The following GLI2 variants were observed in gnomAD, a reference collection of about 807,000 sequenced individuals.
The protein encoded by GLI2 is GLI family zinc finger 2, also known as transcription activator GLI2.
GLI2 carries 22 observed loss-of-function variants against 78.9 expected under a neutral mutation model. That is an observed-to-expected ratio of 0.28 (90% confidence interval 0.20 to 0.40). The LOEUF is 0.40. GLI2 is among the 10% of genes least tolerant of loss of function. The pLI, the probability that GLI2 is intolerant of heterozygous loss-of-function variation, is 1.00. For missense variants in GLI2, 2,097 were observed against 2,213.2 expected, an observed-to-expected ratio of 0.95 and a Z score of 1.05; for synonymous variants, 974 against 963.7, an observed-to-expected ratio of 1.01 and a Z score of -0.20.
chr2:120,768,319 C>G (rs1346803229), intron 1 of GLI2, among the ~76,000 whole-genome samples: 1 of 152,222 alleles, frequency 6.6e-6, no homozygotes, highest in Non-Finnish European at 1.5e-5. Context: ...GAGAAGCGCC[C>G]TCAGAGCTGG....
chr2:120,929,512 G>A (rs182414044), intron 3 of GLI2, among the ~76,000 whole-genome samples: 1 of 152,338 alleles, frequency 6.6e-6, no homozygotes, highest in East Asian at 1.9e-4. Flanking sequence ...GTAAGGAAAA[G>A]CTGTCCCGCC....
chr2:120,971,971 A>G lies in GLI2; in HGVS notation c.1090A>G (p.Ser364Gly), dbSNP rs1415148371. ...GCAGAGCAGTGAGTCGGCCGTCAGC[A>G]GCACCGTCAACCCTGTCGCCATTCA... ...NKQSSESAVS[S>G]TVNPVAIHKR... The change falls in exon 8 of 14, where the codon AGC becomes GGC. Residue 364 changes from serine (S) to glycine (G), a missense_variant. By Grantham distance (56) the Ser-to-Gly change is moderately conservative (BLOSUM62 0). Transcript: ENST00000361492. The G allele has an allele frequency of 6.2e-7, 1 of 1,613,588 alleles. No homozygotes were observed. The highest frequency in any genetic ancestry group is 1.3e-5 in the African/African-American group (1 of 74,940).
intron 2 of GLI2, among the ~76,000 whole-genome samples, chr2:120,827,644 A>G (rs113334758): frequency 0.016 from 2,441 of 152,338 alleles, 70 homozygotes; most frequent in African/African-American, 0.054. Context: ...CCAAGGGTCC[A>G]TTGATGGATG....
intron 2 of GLI2, among the ~76,000 whole-genome samples, chr2:120,878,467 T>G (rs1688870639): frequency 1.3e-5 from 2 of 152,210 alleles, no homozygotes; most frequent in African/African-American, 4.8e-5. Flanking sequence ...TGTCTAGCTA[T>G]GGACTGAGAC....
At chr2:120,970,946 T>C (rs2677508) in intron 7 of GLI2, among the ~76,000 whole-genome samples, 127,677 of 152,092 alleles carry the variant, frequency 0.84, 57,374 homozygotes, top group East Asian at 1. Context: ...GCAGTTTCGT[T>C]GTAGAATGTG....
chr2:120,909,852 G>T (rs947337948), intron 2 of GLI2, among the ~76,000 whole-genome samples: 1 of 152,240 alleles, frequency 6.6e-6, no homozygotes, highest in Admixed American at 6.5e-5. Flanking sequence ...GCGACAGAGT[G>T]AGACTCCGTC....
intron 2 of GLI2, among the ~76,000 whole-genome samples, chr2:120,893,612 T>A (rs1194891451): frequency 6.8e-6 from 1 of 146,112 alleles, no homozygotes; most frequent in African/African-American, 2.6e-5. Context: ...TGGCAGTGTC[T>A]CGGGAGGAAT....
At chr2:120,982,923 C>G in intron 11 of GLI2, 43 bp downstream of exon 11, 1 of 1,594,742 alleles carries the variant, frequency 6.3e-7, no homozygotes, top group Non-Finnish European at 8.6e-7. Context: ...ACTGGGGCCC[C>G]ACTGACGCCC....
chr2:120,943,978 C>T (rs934519178), intron 3 of GLI2, among the ~76,000 whole-genome samples: 3 of 152,180 alleles, frequency 2.0e-5, no homozygotes, highest in African/African-American at 7.2e-5. Flanking sequence ...AGGCCAGATG[C>T]CCTCCTTTCT....
chr2:120,912,584 C>T (rs550894057), intron 2 of GLI2, among the ~76,000 whole-genome samples: 7 of 152,276 alleles, frequency 4.6e-5, no homozygotes, highest in African/African-American at 1.4e-4. Flanking sequence ...ATGGCATGTG[C>T]TCCAACCATC....
intron 2 of GLI2, among the ~76,000 whole-genome samples, chr2:120,852,684 G>T (rs1365805290): frequency 6.6e-6 from 1 of 152,208 alleles, no homozygotes; most frequent in Non-Finnish European, 1.5e-5. Context: ...ATCAAGCCTA[G>T]AATTCCACCA....
intron 1 of GLI2, among the ~76,000 whole-genome samples, chr2:120,776,769 C>G (rs1281857556): frequency 1.3e-5 from 2 of 152,162 alleles, no homozygotes; most frequent in African/African-American, 4.8e-5. Context: ...CAGAGGCATC[C>G]TAGCCGGCGT....
intron 13 of GLI2, among the ~76,000 whole-genome samples, chr2:120,987,109 G>T (rs1190500341): frequency 6.6e-6 from 1 of 152,242 alleles, no homozygotes; most frequent in African/African-American, 2.4e-5. Flanking sequence ...TTGAGCTGGG[G>T]ATGAGCAGGG....
intron 1 of GLI2, among the ~76,000 whole-genome samples, chr2:120,745,876 C>T (rs1404405379): frequency 1.3e-5 from 2 of 152,202 alleles, no homozygotes; most frequent in East Asian, 1.9e-4. Flanking sequence ...AGTTCTTCTG[C>T]GCAGGCAGAT....
At chr2:120,950,632 C>T (rs557064956) in intron 3 of GLI2, among the ~76,000 whole-genome samples, 33 of 152,236 alleles carry the variant, frequency 2.2e-4, no homozygotes, top group African/African-American at 7.5e-4. Context: ...GGAAGGAGAA[C>T]GAGGAGATAT....
intron 2 of GLI2, among the ~76,000 whole-genome samples, chr2:120,819,540 G>A (rs571569556): frequency 4.9e-4 from 75 of 152,126 alleles, no homozygotes; most frequent in African/African-American, 1.7e-3. Flanking sequence ...GCACCCCACC[G>A]GTTTTTGTAT....
intron 2 of GLI2, among the ~76,000 whole-genome samples, chr2:120,802,598 G>A (rs565599222): frequency 1.3e-5 from 2 of 152,270 alleles, no homozygotes; most frequent in South Asian, 4.1e-4. Flanking sequence ...TCCACTGTGG[G>A]TTCTCTTTCA....
chr2:120,791,404 G>A (rs1239689249), intron 1 of GLI2, among the ~76,000 whole-genome samples: 1 of 152,194 alleles, frequency 6.6e-6, no homozygotes, highest in Non-Finnish European at 1.5e-5. Flanking sequence ...GGAAAGGACT[G>A]GTGCCCAGCT....
At chr2:120,766,463 A>C (rs1254123068) in intron 1 of GLI2, among the ~76,000 whole-genome samples, 1 of 152,132 alleles carries the variant, frequency 6.6e-6, no homozygotes, top group East Asian at 1.9e-4. Flanking sequence ...TGAGTAGAAG[A>C]GTATGGAGGC....
Sources: allele counts gnomAD v4.1 joint callset (sites outside exome capture counted in the v4.1 genomes callset), GRCh38; gene constraint gnomAD v4.1.1; transcripts MANE v1.5; gene names NCBI Gene and HGNC (gene_info 2026-07-23, HGNC 2026-07-21).